Variants in GALNT18 observed in about 807,000 individuals in gnomAD.
The protein encoded by GALNT18 is GalNAc-transferase 18.
A neutral mutation model predicts 69.5 loss-of-function variants in GALNT18; 44 were observed. The ratio of observed to expected loss-of-function variants is 0.63; its 90% CI spans 0.50 to 0.81. GALNT18 has a LOEUF of 0.81. Ranked by LOEUF, GALNT18 falls within the 40% of genes least tolerant of loss-of-function variation. GALNT18 has a pLI of 0.00. For synonymous variants in GALNT18, 364 were observed against 318.2 expected, an observed-to-expected ratio of 1.14 and a Z score of -1.53; for missense variants, 715 against 810.0, an observed-to-expected ratio of 0.88 and a Z score of 1.42.
At chr11:11,279,538 A>G (rs777282988) in intron 10 of GALNT18, among the ~76,000 whole-genome samples, 1 of 152,242 alleles carries the variant, frequency 6.6e-6, no homozygotes, top group African/African-American at 2.4e-5. Flanking sequence ...CAGCAGACAT[A>G]TAACTCACGG....
intron 7 of GALNT18, among the ~76,000 whole-genome samples, chr11:11,335,087 T>C (rs1418148566): frequency 6.6e-6 from 1 of 152,240 alleles, no homozygotes; most frequent in African/African-American, 2.4e-5. Flanking sequence ...GTCTGTTTTA[T>C]AGGGAGCCAG....
At chr11:11,434,768 GGAGA>G (rs1855360527) in intron 2 of GALNT18, among the ~76,000 whole-genome samples, 1 of 152,180 alleles carries the variant, frequency 6.6e-6, no homozygotes, top group African/African-American at 2.4e-5. Flanking sequence ...CTTGAATGAA[GGAGA>G]AAGACTGGTA....
chr11:11,473,544 T>TGACG (rs148629647), intron 1 of GALNT18, among the ~76,000 whole-genome samples: 16,117 of 152,172 alleles, frequency 0.11, 1,151 homozygotes, highest in East Asian at 0.25. Flanking sequence ...GATGGCAGAG[T>TGACG]GTGCAGACGG....
intron 10 of GALNT18, among the ~76,000 whole-genome samples, chr11:11,272,654 A>G (rs111878624): frequency 2.0e-5 from 3 of 152,306 alleles, no homozygotes; most frequent in African/African-American, 7.2e-5. Flanking sequence ...ATTCTTCCCC[A>G]TGCTCCCATG....
intron 1 of GALNT18, among the ~76,000 whole-genome samples, chr11:11,577,265 C>G (rs1446985244): frequency 6.6e-6 from 1 of 152,104 alleles, no homozygotes; most frequent in Non-Finnish European, 1.5e-5. Context: ...CCCACCAGAC[C>G]CTGGTGGACT....
rs1225960207 is a variant in GALNT18 at position 11,543,819 on chromosome 11, C to T, written c.235+77540G>A. Reference sequence around the variant, plus strand: ...ACGGTGGGTGGGTGTGGTTATTGCTCCCATTTCTTCTTCTGGCGCTCTGGG... The same window carrying T: ...ACGGTGGGTGGGTGTGGTTATTGCTTCCATTTCTTCTTCTGGCGCTCTGGG... On this transcript the variant is annotated intron_variant, in intron 1 of 10. Transcript: ENST00000227756. The surrounding 1 kb of genome is among the most constrained non-coding windows in gnomAD (Gnocchi z 5.1). 6.6e-6 allele frequency among the ~76,000 whole-genome samples: 1 copy of T among 152,134 alleles called. No individual in the cohort carries two copies. Among genetic ancestry groups the T allele is most frequent in the Non-Finnish European group, 1.5e-5 (1 of 68,036 alleles).
In GALNT18 at chr11:11,332,787, G is replaced by A; in HGVS notation, c.1323C>T (p.Leu441=). The change falls in exon 8 of 11, where the codon CTC becomes CTT. Residue 441 remains leucine, a synonymous_variant. Coordinates refer to ENST00000227756, the MANE Select transcript of GALNT18 (RefSeq NM_198516.3). This position sits in a 1 kb window ranked among gnomAD's most constrained non-coding sequence, Gnocchi z 4.3. Reference sequence around the variant, plus strand: ...AGGTCTTGCACTGCAGCTGTTTCCTGAGAGCCTTCCTTGCAGTGATGTCCC... The same window carrying A: ...AGGTCTTGCACTGCAGCTGTTTCCTAAGAGCCTTCCTTGCAGTGATGTCCC... ...DIGDITARKA[L]RKQLQCKTFR... 1 of 1,614,030 alleles carries A rather than the reference G, an allele frequency of 6.2e-7. No individual in the cohort carries two copies. The highest frequency in any genetic ancestry group is 8.5e-7 in the Non-Finnish European group (1 of 1,180,008).
Position 11,564,130 on chromosome 11 carries a change from C to T in GALNT18, c.235+57229G>A, listed in dbSNP as rs1209353679. 1.3e-5 allele frequency among the ~76,000 whole-genome samples: 2 copies of T among 152,188 alleles called. No homozygotes were observed. Among genetic ancestry groups the T allele is most frequent in the Non-Finnish European group, 2.9e-5 (2 of 68,038 alleles). On this transcript the variant is annotated intron_variant, in intron 1 of 10. Coordinates refer to ENST00000227756, the MANE Select transcript of GALNT18 (RefSeq NM_198516.3). The surrounding 1 kb of genome is among the most constrained non-coding windows in gnomAD (Gnocchi z 4.3). ...TAACCCCATTTTACAGTTGAAGGAACTTGAGCATAGAGAGGTAGAACAACT... is the reference window on the plus strand; with the variant it reads ...TAACCCCATTTTACAGTTGAAGGAATTTGAGCATAGAGAGGTAGAACAACT...
At chr11:11,487,734 A>C (rs1202141323) in intron 1 of GALNT18, among the ~76,000 whole-genome samples, 1 of 152,202 alleles carries the variant, frequency 6.6e-6, no homozygotes, top group Non-Finnish European at 1.5e-5. Context: ...GTGCCATGCA[A>C]GAGCTCCAGG....
rs577554588 is a variant in GALNT18, at chr11:11,616,241, G to A, written c.235+5118C>T. On this transcript the variant is annotated intron_variant, in intron 1 of 10. Coordinates refer to ENST00000227756, the MANE Select transcript of GALNT18 (RefSeq NM_198516.3). This position sits in a 1 kb window ranked among gnomAD's most constrained non-coding sequence, Gnocchi z 4.4. ...GATATTAAGTTCTAGAGTAATCAAA[G>A]GAGTACAAATCAAAAGAATAGAGCA... 6.6e-6 allele frequency among the ~76,000 whole-genome samples: 1 copy of A among 152,264 alleles called. No individual in the cohort carries two copies. The highest frequency in any genetic ancestry group is 2.4e-5 in the African/African-American group (1 of 41,560).
At chr11:11,530,729 A>C (rs1857626739) in intron 1 of GALNT18, among the ~76,000 whole-genome samples, 1 of 152,226 alleles carries the variant, frequency 6.6e-6, no homozygotes, top group African/African-American at 2.4e-5. Context: ...ACCCAAAGCC[A>C]TTCTGGTCAG....
intron 6 of GALNT18, among the ~76,000 whole-genome samples, chr11:11,357,510 T>C (rs974174345): frequency 5.3e-5 from 8 of 152,252 alleles, no homozygotes; most frequent in African/African-American, 1.9e-4. Context: ...CTTCTATCAC[T>C]TCCCCTTGAC....
intron 3 of GALNT18, among the ~76,000 whole-genome samples, chr11:11,397,843 C>A (rs1854370847): frequency 6.6e-6 from 1 of 152,172 alleles, no homozygotes; most frequent in Non-Finnish European, 1.5e-5. Flanking sequence ...GTTGATTGGG[C>A]TCTGTTAGAA....
At chr11:11,525,691 A>G (rs1857504913) in intron 1 of GALNT18, among the ~76,000 whole-genome samples, 1 of 147,216 alleles carries the variant, frequency 6.8e-6, no homozygotes, top group South Asian at 2.2e-4. Context: ...CTGAAGTTCA[A>G]TGACACTATC....
At chr11:11,311,126 CA>C (rs1849666682) in intron 9 of GALNT18, among the ~76,000 whole-genome samples, 1 of 152,176 alleles carries the variant, frequency 6.6e-6, no homozygotes, top group Non-Finnish European at 1.5e-5. Context: ...AAGCATCCTA[CA>C]TTGAATAGGA....
intron 9 of GALNT18, among the ~76,000 whole-genome samples, chr11:11,322,722 G>A (rs537248690): frequency 2.0e-5 from 3 of 152,338 alleles, no homozygotes; most frequent in East Asian, 1.9e-4. Flanking sequence ...AACAATTTTG[G>A]AAAATTGTTT....
rs1349847995 is a variant in GALNT18, at chr11:11,382,503, C to T, written c.596-3239G>A. ...ACATACCTGTTCACATATAATATCT[C>T]TCAGAACTTCTTAGCTCCAAAGATT... On this transcript the variant is annotated intron_variant, in intron 3 of 10. Transcript: ENST00000227756. The surrounding 1 kb of genome is among the most constrained non-coding windows in gnomAD (Gnocchi z 4.3). 6.6e-6 allele frequency among the ~76,000 whole-genome samples: 1 copy of T among 152,152 alleles called. No individual in the cohort carries two copies. The highest frequency in any genetic ancestry group is 6.5e-5 in the Admixed American group (1 of 15,282).
At chr11:11,515,872 G>A (rs921282393) in intron 1 of GALNT18, among the ~76,000 whole-genome samples, 1 of 152,230 alleles carries the variant, frequency 6.6e-6, no homozygotes, top group Non-Finnish European at 1.5e-5. Context: ...ATGAGGGAGA[G>A]AGGTAGTGGG....
chr11:11,507,532 C>T (rs1277475997), intron 1 of GALNT18, among the ~76,000 whole-genome samples: 1 of 152,054 alleles, frequency 6.6e-6, no homozygotes, highest in East Asian at 1.9e-4. Context: ...TTTCTTCTTC[C>T]CCTTCCCTAA....
Sources: gnomAD v4.1 joint callset for allele counts (sites outside exome capture counted in the v4.1 genomes callset) on GRCh38, gnomAD v4.1.1 for gene constraint, Gnocchi (gnomAD v3.1) non-coding constraint, MANE v1.5 for transcripts, NCBI Gene and HGNC (gene_info 2026-07-23, HGNC 2026-07-21) for gene names.